The following SHLD2 variants were observed in gnomAD, a reference collection of about 807,000 sequenced individuals.
SHLD2 encodes shieldin complex subunit 2.
Under a neutral mutation model 73.2 loss-of-function variants are expected in SHLD2, and 30 were observed. The ratio of observed to expected loss-of-function variants is 0.41; its 90% confidence interval spans 0.31 to 0.56. The LOEUF is 0.56. Ranked by LOEUF, SHLD2 falls within the 20% of genes least tolerant of loss-of-function variation. The pLI is 0.28. For synonymous variants in SHLD2, 285 were observed against 370.1 expected, an observed-to-expected ratio of 0.77 and a Z score of 2.64; for missense variants, 745 against 1,055.9, an observed-to-expected ratio of 0.71 and a Z score of 4.08.
intron 2 of SHLD2, among the ~76,000 whole-genome samples, chr10:87,125,977 C>G (rs1447360396): frequency 6.6e-6 from 1 of 151,988 alleles, no homozygotes; most frequent in Non-Finnish European, 1.5e-5. Flanking sequence ...TTTTTTGGTA[C>G]CTAAAATAAT....
upstream of SHLD2, chr10:87,095,154 A>AGGGGAAGGTCGGGGCGGGTC (rs1841717251): frequency 1.1e-4 from 2 of 18,898 alleles, no homozygotes; most frequent in Non-Finnish European, 2.2e-4. Context: ...AGGGGCAGGG[A>AGGGGAAGGTCGGGGCGGGTC]GGGGAAGGTC....
At position 87,152,158 on chromosome 10, in the gene SHLD2, G is replaced by A; in HGVS notation, c.804G>A (p.Gly268=). The stretch of plus-strand genomic sequence containing the variant: ...AAAGGCGGAGTCCTGTAAATAAAGG[G>A]AATGTAAACATGGAGACTGAACCAA... ...KDKRRSPVNK[G]NVNMETEPKA... The change falls in exon 3 of 10, where the codon GGG becomes GGA. Residue 268 remains glycine, a synonymous_variant. Transcript: ENST00000298786. 2 of 1,611,172 alleles carry A rather than the reference G, an allele frequency of 1.2e-6. No individual in the cohort carries two copies. Among genetic ancestry groups the A allele is most frequent in the Non-Finnish European group, 1.7e-6 (2 of 1,179,512 alleles).
At chr10:87,133,574 A>G (rs958177042) in intron 2 of SHLD2, among the ~76,000 whole-genome samples, 2 of 152,214 alleles carry the variant, frequency 1.3e-5, no homozygotes, top group African/African-American at 2.4e-5. Flanking sequence ...ATTAAGAACA[A>G]TTGTTAATTG....
chr10:87,129,487 G>C (rs189806956), intron 2 of SHLD2, among the ~76,000 whole-genome samples: 1 of 152,062 alleles, frequency 6.6e-6, no homozygotes, highest in Non-Finnish European at 1.5e-5. Context: ...GTTTTCTCCC[G>C]TGGATTCCCC....
chr10:87,133,657 C>T (rs1222236950), intron 2 of SHLD2, among the ~76,000 whole-genome samples: 5 of 152,072 alleles, frequency 3.3e-5, no homozygotes, highest in African/African-American at 7.2e-5. Flanking sequence ...TCAGGAAGCA[C>T]GAAGTGTACA....
intron 8 of SHLD2, among the ~76,000 whole-genome samples, chr10:87,181,474 A>G (rs1848311548): frequency 6.6e-6 from 1 of 152,236 alleles, no homozygotes; most frequent in African/African-American, 2.4e-5. Context: ...TAGGTGACTT[A>G]TTTATGTCAT....
chr10:87,174,985 C>T (rs1200995464), intron 6 of SHLD2, among the ~76,000 whole-genome samples: 8 of 151,924 alleles, frequency 5.3e-5, no homozygotes, highest in Non-Finnish European at 8.8e-5. Context: ...GGCGTGGTGG[C>T]GGGCGCCTGT....
chr10:87,104,785 C>T (rs1324154647), intron 2 of SHLD2, among the ~76,000 whole-genome samples: 10 of 151,704 alleles, frequency 6.6e-5, no homozygotes, highest in African/African-American at 2.2e-4. Context: ...TTCAGCCTCC[C>T]GAGTAGCTGG....
intron 4 of SHLD2, among the ~76,000 whole-genome samples, chr10:87,166,708 G>T (rs1266340349): frequency 1.3e-5 from 2 of 152,154 alleles, no homozygotes; most frequent in African/African-American, 4.8e-5. Context: ...CATGTAATTT[G>T]ATAAGATTAT....
intron 4 of SHLD2, among the ~76,000 whole-genome samples, chr10:87,163,108 C>G (rs1466301242): frequency 6.6e-6 from 1 of 151,898 alleles, no homozygotes; most frequent in Non-Finnish European, 1.5e-5. Context: ...CATAGTGGAA[C>G]ACTATGTACT....
rs1279944776 is a variant in SHLD2, at chr10:87,121,795, C to T, written c.-6+24806C>T. Among the ~76,000 whole-genome samples, 6 of 140,836 alleles carry T rather than the reference C, an allele frequency of 4.3e-5. No homozygotes were observed. The East Asian group carries it at 6.2e-4, about 15-fold the overall frequency. 92.4% of individuals were successfully genotyped at this position (140,836 alleles called of 152,430 possible). A position where few individuals can be genotyped will look rare whatever the true frequency, so the allele number is the denominator to read the frequency against. ...TTTTTTTTTTTAATTGAGATAGTCT[C>T]GTCCTGATGGCCAGACTGGAGTACA... On this transcript the variant is annotated intron_variant, in intron 2 of 9. Transcript: ENST00000298786.
chr10:87,158,456 C>G (rs1275592743), intron 4 of SHLD2, among the ~76,000 whole-genome samples: 1 of 152,016 alleles, frequency 6.6e-6, no homozygotes, highest in Non-Finnish European at 1.5e-5. Context: ...GACCATTTCT[C>G]CAGAAAACTG....
At position 87,152,868 on chromosome 10, in the gene SHLD2, T is replaced by C. The variant is rs1444803648; in HGVS notation, c.1514T>C (p.Ile505Thr). 3 of 1,611,230 alleles carry C rather than the reference T, an allele frequency of 1.9e-6. No homozygotes were observed. In the Admixed American group the frequency reaches 5.0e-5, roughly 27 times the overall value. ...WAFTVFLGDI[I>T]LLTDVVIHED... is the part of the protein sequence containing the mutation. ...TTTACAGTGTTTCTTGGAGATATAA[T>C]TTTACTCACAGGTGAGGTCATTATG... The change falls in exon 3 of 10, where the codon ATT becomes ACT. Residue 505 changes from isoleucine to threonine, a missense_variant. Ile to Thr is a moderately conservative substitution (Grantham distance 89). Transcript: ENST00000298786.
intron 2 of SHLD2, among the ~76,000 whole-genome samples, chr10:87,102,718 A>G (rs1444406981): frequency 6.6e-6 from 1 of 152,160 alleles, no homozygotes; most frequent in East Asian, 1.9e-4. Context: ...CAAAAAACAA[A>G]AAGAAAAAAA....
chr10:87,114,805 T>C (rs1185187392), intron 2 of SHLD2, among the ~76,000 whole-genome samples: 1 of 152,146 alleles, frequency 6.6e-6, no homozygotes, highest in Non-Finnish European at 1.5e-5. Context: ...GACATAGTAG[T>C]GAGTTGAAGA....
At chr10:87,118,720 A>T (rs1363183189) in intron 2 of SHLD2, among the ~76,000 whole-genome samples, 1 of 148,172 alleles carries the variant, frequency 6.7e-6, no homozygotes, top group Non-Finnish European at 1.5e-5. Context: ...TGTCACCTCA[A>T]CCAGTTTATT....
rs745712637 is a variant in SHLD2 at position 87,151,496 on chromosome 10, T to G, written c.142T>G (p.Leu48Val). The G allele has an allele frequency of 2.1e-5, 34 of 1,611,058 alleles. No individual in the cohort carries two copies. Among genetic ancestry groups the G allele is most frequent in the Admixed American group, 5.0e-5 (3 of 59,768 alleles). The part of the protein sequence containing the change: ...KIQLLYSQHS[L>V]YLKDEKQHKN... ...TCAGCTTTTATACAGTCAACATTCT[T>G]TATATCTGAAGGATGAAAAACAGCA... The change falls in exon 3 of 10, where the codon TTA (leucine) becomes GTA (valine). Residue 48 changes from leucine (L) to valine (V), a missense_variant. Leu to Val is a conservative substitution (Grantham distance 32, BLOSUM62 1). This residue lies in a region of SHLD2 where 280 missense variants were observed against 353.9 expected (regional missense o/e 0.79). Transcript: ENST00000298786.
chr10:87,130,850 T>G (rs954325718), intron 2 of SHLD2, among the ~76,000 whole-genome samples: 6 of 152,270 alleles, frequency 3.9e-5, no homozygotes, highest in South Asian at 4.1e-4. Flanking sequence ...GCAGGTAGAC[T>G]CCTTGCGTCT....
intron 3 of SHLD2, among the ~76,000 whole-genome samples, chr10:87,157,103 C>T (rs1846487693): frequency 6.6e-6 from 1 of 152,128 alleles, no homozygotes; most frequent in African/African-American, 2.4e-5. Flanking sequence ...TGATTAGCAG[C>T]ATAGCGTCAA....
Sources: gnomAD v4.1 joint callset for allele counts (sites outside exome capture counted in the v4.1 genomes callset) on GRCh38, gnomAD v4.1.1 for gene constraint, gnomAD v4.1.1 regional missense constraint, MANE v1.5 for transcripts, NCBI Gene and HGNC (gene_info 2026-07-23, HGNC 2026-07-21) for gene names.